Variants in ATAD2B observed in about 807,000 individuals in gnomAD.
The protein encoded by ATAD2B is ATPase family AAA domain containing 2B.
Under a neutral mutation model 167.6 loss-of-function variants are expected in ATAD2B, and 40 were observed. That is an observed-to-expected ratio of 0.24 (90% CI 0.19 to 0.31). The LOEUF (loss-of-function observed/expected upper bound fraction) is 0.31. ATAD2B is among the 10% of genes least tolerant of loss of function. The pLI, the probability that ATAD2B is intolerant of heterozygous loss-of-function variation, is 1.00. For missense variants in ATAD2B, 1,242 were observed against 1,757.2 expected, an observed-to-expected ratio of 0.71 and a Z score of 5.24; for synonymous variants, 579 against 596.5, an observed-to-expected ratio of 0.97 and a Z score of 0.43.
chr2:23,926,133 G>A (rs1394339985), intron 1 of ATAD2B, among the ~76,000 whole-genome samples: 1 of 152,180 alleles, frequency 6.6e-6, no homozygotes, highest in Non-Finnish European at 1.5e-5. Context: ...GAGTTAGACA[G>A]CGGCAGGAAC....
At chr2:23,745,200 T>A (rs1487329257), downstream of ATAD2B, among the ~76,000 whole-genome samples, 2 of 151,998 alleles carry the variant, frequency 1.3e-5, no homozygotes, top group Non-Finnish European at 2.9e-5. Context: ...GGCAGGAGAA[T>A]CGCTGGAACC....
At chr2:23,769,858 A>G (rs1007149023) in intron 22 of ATAD2B, among the ~76,000 whole-genome samples, 3 of 150,706 alleles carry the variant, frequency 2.0e-5, no homozygotes, top group African/African-American at 7.3e-5. Context: ...TGATTTTTGT[A>G]TATTTAGTAG....
rs977155915 is a variant in ATAD2B at position 23,764,823 on chromosome 2, T to A, written c.3256+683A>T. On this transcript the variant is annotated intron_variant, in intron 23 of 27. Transcript: ENST00000238789. ...ACCTCTGTGCCTTTACATATGCTAT[T>A]GTTTTCTCTGTGTGCAATACACCTC... Among the ~76,000 whole-genome samples the A allele has an allele frequency of 1.7e-4, 25 of 147,020 alleles. 1 individual carries two copies. Among genetic ancestry groups the A allele is most frequent in the Admixed American group, 6.1e-4 (9 of 14,704 alleles).
intron 22 of ATAD2B, among the ~76,000 whole-genome samples, chr2:23,771,476 G>A (rs1678313904): frequency 6.6e-6 from 1 of 152,110 alleles, no homozygotes; most frequent in South Asian, 2.1e-4. Context: ...CGGGGATAGG[G>A]GGAATAATTT....
In ATAD2B at chr2:23,896,870, C is replaced by T. The variant is rs145354761; in HGVS notation, c.217-900G>A. Reference sequence around the variant, plus strand: ...AGTACAGGCGAGCCAGGTGCAGTGGCTCATGCATGTAATCCCAACACTTTG... The same window carrying T: ...AGTACAGGCGAGCCAGGTGCAGTGGTTCATGCATGTAATCCCAACACTTTG... On this transcript the variant is annotated intron_variant, in intron 1 of 27. Coordinates refer to ENST00000238789, the MANE Select transcript of ATAD2B (RefSeq NM_017552.4). Among the ~76,000 whole-genome samples, 757 of 152,322 alleles carry T rather than the reference C, an allele frequency of 5.0e-3. 6 individuals carry two copies. The highest frequency in any genetic ancestry group is 0.037 in the Middle Eastern group (11 of 294).
intron 13 of ATAD2B, among the ~76,000 whole-genome samples, chr2:23,849,537 AG>A (rs1387289127): frequency 6.6e-5 from 10 of 152,240 alleles, no homozygotes; most frequent in South Asian, 6.2e-4. Flanking sequence ...AACATCTGTA[AG>A]AAAACAAAAG....
the ATAD2B span, among the ~76,000 whole-genome samples, chr2:23,698,905 G>A: frequency 6.6e-6 from 1 of 152,214 alleles, no homozygotes; most frequent in Non-Finnish European, 1.5e-5. Flanking sequence ...CTGAAAGACT[G>A]AGGACTAACA....
chr2:23,724,477 T>A, the ATAD2B span, among the ~76,000 whole-genome samples: 1 of 152,078 alleles, frequency 6.6e-6, no homozygotes, highest in South Asian at 2.1e-4. Flanking sequence ...ATATATTTTT[T>A]AAATTGAAAA....
intron 18 of ATAD2B, among the ~76,000 whole-genome samples, chr2:23,798,907 A>G (rs1683024738): frequency 6.6e-6 from 1 of 152,218 alleles, no homozygotes; most frequent in African/African-American, 2.4e-5. Context: ...ACTCTAACTT[A>G]TCTAAAGAGC....
chr2:23,924,366 C>G (rs1161864627), intron 1 of ATAD2B, among the ~76,000 whole-genome samples: 1 of 152,186 alleles, frequency 6.6e-6, no homozygotes, highest in Non-Finnish European at 1.5e-5. Flanking sequence ...CTGGCAAATG[C>G]TTATTACAGA....
At chr2:23,722,435 T>G in the ATAD2B span, among the ~76,000 whole-genome samples, 56 of 152,262 alleles carry the variant, frequency 3.7e-4, no homozygotes, top group Middle Eastern at 3.4e-3. Flanking sequence ...GAGCTGAAGA[T>G]TTCAGTGAAT....
intron 15 of ATAD2B, among the ~76,000 whole-genome samples, chr2:23,825,567 C>T (rs1688124414): frequency 6.6e-6 from 1 of 152,070 alleles, no homozygotes; most frequent in African/African-American, 2.4e-5. Context: ...AGAACACTAG[C>T]TCAAAGTTAT....
chr2:23,889,391 C>A (rs750283988), intron 2 of ATAD2B, among the ~76,000 whole-genome samples: 15 of 151,914 alleles, frequency 9.9e-5, no homozygotes, highest in Non-Finnish European at 1.2e-4. Flanking sequence ...TGGTCTCAAA[C>A]CCCTGACCTC....
At chr2:23,873,148 G>C (rs1010638679) in intron 8 of ATAD2B, 1 of 350,140 alleles carries the variant, frequency 2.9e-6, no homozygotes, top group Non-Finnish European at 5.5e-6. Context: ...CTCCCCATCA[G>C]GAAAGTTCCC....
At chr2:23,690,114 C>T in the ATAD2B span, 10 of 152,296 alleles carry the variant, frequency 6.6e-5, no homozygotes, top group Non-Finnish European at 1.5e-4. Context: ...TGCACCTCCC[C>T]CTCTCCTCCT....
intron 1 of ATAD2B, among the ~76,000 whole-genome samples, chr2:23,917,089 T>C (rs149999169): frequency 1.3e-5 from 2 of 152,372 alleles, no homozygotes; most frequent in Non-Finnish European, 2.9e-5. Flanking sequence ...TGGACTTCTA[T>C]GATTTTGCAA....
At chr2:23,886,729 AGACCAT>A (rs1165254399) in intron 4 of ATAD2B, among the ~76,000 whole-genome samples, 1 of 151,800 alleles carries the variant, frequency 6.6e-6, no homozygotes, top group Non-Finnish European at 1.5e-5. Flanking sequence ...CAGGAGATAG[AGACCAT>A]CCTGGCTAAC....
At chr2:23,799,590 G>GAA (rs906762582) in intron 18 of ATAD2B, among the ~76,000 whole-genome samples, 1 of 133,246 alleles carries the variant, frequency 7.5e-6, no homozygotes, top group Non-Finnish European at 1.5e-5. Context: ...AAAAAAAAAA[G>GAA]AAAAGAAAAA....
the ATAD2B span, among the ~76,000 whole-genome samples, chr2:23,684,813 C>T: frequency 1.3e-5 from 2 of 152,092 alleles, no homozygotes; most frequent in Non-Finnish European, 2.9e-5. The surrounding 1 kb of genome is among the most constrained non-coding windows in gnomAD (Gnocchi z 4.4). Context: ...CAACACCGTG[C>T]CCCACCCCTG....
Sources: allele counts gnomAD v4.1 joint callset (sites outside exome capture counted in the v4.1 genomes callset), GRCh38; gene constraint gnomAD v4.1.1; non-coding constraint Gnocchi (gnomAD v3.1); transcripts MANE v1.5; gene names NCBI Gene and HGNC (gene_info 2026-07-23, HGNC 2026-07-21).